OR4N2: variants seen among roughly 807,000 people sequenced by gnomAD.
The protein encoded by OR4N2 is olfactory receptor 4N2.
For missense variants in OR4N2, 307 were observed against 377.6 expected (o/e 0.81, Z 1.55); for synonymous variants, 141 against 140.4 (o/e 1.00, Z -0.03).
rs1261656455 is a variant in OR4N2, at chr14:19,827,070, A to G, written c.-9-370A>G. Among the ~76,000 whole-genome samples, 6 of 152,370 alleles carry G rather than the reference A, an allele frequency of 3.9e-5. No individual in the cohort carries two copies. The East Asian group carries it at 5.8e-4, about 15-fold the overall frequency. On this transcript the variant is annotated intron_variant, in intron 1 of 1. Coordinates refer to ENST00000557677, the MANE Select transcript of OR4N2 (RefSeq NM_001004723.3). ...AAAAGAGCTAACCCTCAAGCATAGT[A>G]TATCCACAAAAACTCAAAGACCTTC...
chr14:19,811,930 T>C (rs1330225946), intron 1 of OR4N2, among the ~76,000 whole-genome samples: 1 of 152,270 alleles, frequency 6.6e-6, no homozygotes, highest in African/African-American at 2.4e-5. Flanking sequence ...ATTCAACATG[T>C]GCTGACCATT....
intron 1 of OR4N2, among the ~76,000 whole-genome samples, chr14:19,811,986 A>C (rs11628920): frequency 0.42 from 62,951 of 149,216 alleles, 9,547 homozygotes; most frequent in East Asian, 0.51. Flanking sequence ...GAAGAAAAAA[A>C]TAAAAATCTA....
At chr14:19,807,331 T>C (rs1368054332) in intron 1 of OR4N2, among the ~76,000 whole-genome samples, 2 of 151,984 alleles carry the variant, frequency 1.3e-5, no homozygotes, top group Non-Finnish European at 2.9e-5. Context: ...AACTGGTAGA[T>C]TGCTAGCTAG....
At position 19,828,191 on chromosome 14, in the gene OR4N2, T is replaced by A. The variant is rs1386859343; in HGVS notation, c.743T>A (p.Phe248Tyr). Reference sequence around the variant, plus strand: ...TGCATCACCCATATCATTGTTATATTCTTCATGTTTGGACCTGGCATCTTC... The same window carrying A: ...TGCATCACCCATATCATTGTTATATACTTCATGTTTGGACCTGGCATCTTC... ...STCITHIIVI[F>Y]FMFGPGIFIY... Residue 248 changes from phenylalanine (F) to tyrosine (Y), a missense_variant, in exon 2 of 2, where the codon TTC (phenylalanine) becomes TAC (tyrosine). By Grantham distance (22) the Phe-to-Tyr change is conservative. Transcript: ENST00000557677. 6.2e-6 allele frequency: 10 copies of A among 1,614,126 alleles called. No individual in the cohort carries two copies. Among genetic ancestry groups the A allele is most frequent in the Non-Finnish European group, 8.5e-6 (10 of 1,180,046 alleles).
chr14:19,806,003 A>C (rs1338746807), intron 1 of OR4N2, among the ~76,000 whole-genome samples: 1 of 152,174 alleles, frequency 6.6e-6, no homozygotes, highest in African/African-American at 2.4e-5. Flanking sequence ...GAAAAATAAA[A>C]TCCTTCTCAG....
chr14:19,827,111 T>C (rs1879718751), intron 1 of OR4N2, among the ~76,000 whole-genome samples: 1 of 152,228 alleles, frequency 6.6e-6, no homozygotes, highest in South Asian at 2.1e-4. Context: ...TGAAGTTAGG[T>C]TGTGTCTCCA....
chr14:19,819,971 G>A (rs1566466402), intron 1 of OR4N2, among the ~76,000 whole-genome samples: 1 of 152,256 alleles, frequency 6.6e-6, no homozygotes, highest in African/African-American at 2.4e-5. Flanking sequence ...GGAGTTTGCT[G>A]GAAGTCCACT....
rs1879804787 is a variant in OR4N2, at chr14:19,829,195, T to C, written c.*823T>C. On this transcript the variant is annotated 3_prime_UTR_variant, in exon 2 of 2. Transcript: ENST00000557677. ...GAGTGGCAAAAGAAAGCTGGTTACT[T>C]TTACTGAAAAAGATCACAAAAACAT... is the stretch of plus-strand genomic sequence containing the variant. 1 of 152,278 alleles carries C rather than the reference T, an allele frequency of 6.6e-6. No individual in the cohort carries two copies. The highest frequency in any genetic ancestry group is 1.5e-5 in the Non-Finnish European group (1 of 68,044). The allele number at this position is 152,278 out of a possible 1,614,324, so 9.4% of individuals were successfully genotyped here.
In OR4N2 at chr14:19,829,710, A is replaced by G. The variant is rs1200971822; in HGVS notation, c.*1338A>G. On this transcript the variant is annotated 3_prime_UTR_variant, in exon 2 of 2. Coordinates refer to ENST00000557677, the MANE Select transcript of OR4N2 (RefSeq NM_001004723.3). ...ATATATTCAAATCTCAAATGAGTAC[A>G]TTAAATGGGCAGCATCCAAAACATC... 1 of 152,256 alleles carries G rather than the reference A, an allele frequency of 6.6e-6. No homozygotes were observed. Among genetic ancestry groups the G allele is most frequent in the East Asian group, 1.9e-4 (1 of 5,208 alleles). The allele number at this position is 152,256 out of a possible 1,614,324, so 9.4% of individuals were successfully genotyped here. A position where few individuals can be genotyped will look rare whatever the true frequency, so the allele number is the denominator to read the frequency against.
chr14:19,817,802 C>T (rs868746919), intron 1 of OR4N2, among the ~76,000 whole-genome samples: 44 of 152,234 alleles, frequency 2.9e-4, no homozygotes, highest in Middle Eastern at 3.2e-3. Context: ...TTAGATCTTT[C>T]CTGCTTTAAG....
At chr14:19,813,505 C>G (rs1364267076) in intron 1 of OR4N2, among the ~76,000 whole-genome samples, 5 of 152,234 alleles carry the variant, frequency 3.3e-5, no homozygotes, top group Non-Finnish European at 7.3e-5. Context: ...TACACCACTG[C>G]AGTAGATTTT....
At chr14:19,823,304 T>C (rs1879611863) in intron 1 of OR4N2, among the ~76,000 whole-genome samples, 1 of 152,214 alleles carries the variant, frequency 6.6e-6, no homozygotes. Flanking sequence ...TTAACTTCTT[T>C]TTTTTAAAAA....
intron 1 of OR4N2, among the ~76,000 whole-genome samples, chr14:19,811,114 G>T (rs1181393865): frequency 6.6e-6 from 1 of 152,150 alleles, no homozygotes; most frequent in Non-Finnish European, 1.5e-5. Context: ...ATAGAAGAAA[G>T]GATACCATTT....
chr14:19,825,283 T>C (rs1284378140), intron 1 of OR4N2, among the ~76,000 whole-genome samples: 3 of 152,248 alleles, frequency 2.0e-5, no homozygotes, highest in Non-Finnish European at 4.4e-5. Context: ...CTCTATTCCA[T>C]TCTAGGGATA....
At chr14:19,819,976 T>A (rs1308224724) in intron 1 of OR4N2, among the ~76,000 whole-genome samples, 1 of 152,256 alleles carries the variant, frequency 6.6e-6, no homozygotes, top group Non-Finnish European at 1.5e-5. Flanking sequence ...TTGCTGGAAG[T>A]CCACTCCAGA....
intron 1 of OR4N2, among the ~76,000 whole-genome samples, chr14:19,812,017 A>G (rs1034157492): frequency 3.3e-5 from 5 of 152,238 alleles, no homozygotes; most frequent in African/African-American, 1.2e-4. Context: ...GAAGAAATAT[A>G]TGTGTAGAGC....
At chr14:19,815,488 T>C (rs1334716438) in intron 1 of OR4N2, among the ~76,000 whole-genome samples, 3 of 152,260 alleles carry the variant, frequency 2.0e-5, no homozygotes, top group Non-Finnish European at 4.4e-5. Flanking sequence ...GAAGTGTCTG[T>C]TCATATCCTT....
intron 1 of OR4N2, among the ~76,000 whole-genome samples, chr14:19,820,777 C>A (rs1308792352): frequency 1.3e-5 from 2 of 152,254 alleles, no homozygotes; most frequent in Non-Finnish European, 2.9e-5. Flanking sequence ...GATGCCCCTA[C>A]CCCAACCAAG....
chr14:19,818,298 A>C (rs1339356395), intron 1 of OR4N2, among the ~76,000 whole-genome samples: 3 of 151,522 alleles, frequency 2.0e-5, no homozygotes, highest in African/African-American at 7.3e-5. Flanking sequence ...ATCTCCCACT[A>C]TTATTGTGTG....
Sources: gnomAD v4.1 joint callset for allele counts (sites outside exome capture counted in the v4.1 genomes callset) on GRCh38, gnomAD v4.1.1 for gene constraint, MANE v1.5 for transcripts, NCBI Gene and HGNC (gene_info 2026-07-23, HGNC 2026-07-21) for gene names.